Variants in NEK6 observed in about 807,000 individuals in gnomAD.
NEK6 encodes NIMA related kinase 6.
A neutral mutation model predicts 43.5 loss-of-function variants in NEK6; 27 were observed. That is an observed-to-expected ratio of 0.62 (90% CI 0.46 to 0.86). NEK6 has a LOEUF of 0.86. NEK6 is among the 40% of genes least tolerant of loss of function. NEK6 has a pLI of 0.00. For synonymous variants in NEK6, 167 were observed against 164.1 expected, an observed-to-expected ratio of 1.02 and a Z score of -0.14; for missense variants, 318 against 414.4, an observed-to-expected ratio of 0.77 and a Z score of 2.02.
At chr9:124,279,847 A>G (rs1024322452) in intron 1 of NEK6, among the ~76,000 whole-genome samples, 5 of 151,772 alleles carry the variant, frequency 3.3e-5, no homozygotes, top group Non-Finnish European at 5.9e-5. Context: ...GTCTGTGTCT[A>G]CCTCCCAACC....
chr9:124,345,832 TTGAAAA>T (rs1829896561), intron 8 of NEK6, among the ~76,000 whole-genome samples: 1 of 152,208 alleles, frequency 6.6e-6, no homozygotes, highest in Admixed American at 6.5e-5. Context: ...CAGATGTCCT[TTGAAAA>T]TGCCCGATTA....
intron 7 of NEK6, among the ~76,000 whole-genome samples, chr9:124,332,992 C>CG (rs1286941467): frequency 6.6e-6 from 1 of 152,076 alleles, no homozygotes; most frequent in African/African-American, 2.4e-5. Context: ...TCGGCATCGC[C>CG]GGGAGATGGG....
chr9:124,327,651 C>T (rs550597175), intron 7 of NEK6, among the ~76,000 whole-genome samples: 3 of 152,348 alleles, frequency 2.0e-5, no homozygotes, highest in African/African-American at 7.2e-5. Context: ...CTTCCCACAC[C>T]CCCTGATCAC....
chr9:124,321,464 G>C lies in NEK6; in HGVS notation c.300G>C (p.Leu100=). 6.2e-7 allele frequency: 1 copy of C among 1,611,054 alleles called. No individual in the cohort carries two copies. Among genetic ancestry groups the C allele is most frequent in the African/African-American group, 1.3e-5 (1 of 74,958 alleles). Residue 100 remains leucine, a synonymous_variant, in exon 5 of 10, where the codon CTG becomes CTC. Transcript: ENST00000320246. The part of the protein sequence containing the change: ...CVKEIGLLKQ[L]NHPNIIKYLD... ...CTCTTTCCCTCCTCATGCAGCAACT[G>C]AACCACCCAAATATCATCAAGTATT...
chr9:124,258,474 G>A (rs969974543), intron 1 of NEK6: 4 of 384,374 alleles, frequency 1.0e-5, no homozygotes, highest in Admixed American at 6.5e-5. Context: ...GTCTCAGGGA[G>A]TGTGTGTGTG....
chr9:124,330,766 T>C (rs1828940601), intron 7 of NEK6, among the ~76,000 whole-genome samples: 1 of 151,936 alleles, frequency 6.6e-6, no homozygotes, highest in Non-Finnish European at 1.5e-5. Context: ...GGTGGCATGG[T>C]GAGGGGACAG....
intron 1 of NEK6, chr9:124,258,503 A>C (rs1474235000): frequency 3.7e-6 from 1 of 267,600 alleles, no homozygotes; most frequent in Non-Finnish European, 5.8e-6. Flanking sequence ...TGCATTCCAA[A>C]GTGATTTGTG....
intron 1 of NEK6, among the ~76,000 whole-genome samples, chr9:124,296,688 C>T (rs1275364081): frequency 6.6e-6 from 1 of 152,198 alleles, no homozygotes; most frequent in Non-Finnish European, 1.5e-5. Flanking sequence ...AAGCTCATGC[C>T]CCCAAACCTG....
In NEK6 at chr9:124,326,266, G is replaced by A. The variant is rs998138945; in HGVS notation, c.406-64G>A. The A allele has an allele frequency of 1.9e-6, 2 of 1,056,788 alleles. No homozygotes were observed. The highest frequency in any genetic ancestry group is 3.3e-5 in the African/African-American group (2 of 60,088). 65.5% of individuals were successfully genotyped at this position (1,056,788 alleles called of 1,614,324 possible). A position where few individuals can be genotyped will look rare whatever the true frequency, so the allele number is the denominator to read the frequency against. ...GGGGAAAGGACAGAGGCAGTGCCCT[G>A]TGGCCACCCACCTCCAAGCCCGCTC... On this transcript the variant is annotated intron_variant, in intron 5 of 9. Transcript: ENST00000320246. The surrounding 1 kb of genome is among the most constrained non-coding windows in gnomAD (Gnocchi z 4.5).
At chr9:124,266,349 G>A (rs2118885668) in intron 1 of NEK6, among the ~76,000 whole-genome samples, 1 of 152,350 alleles carries the variant, frequency 6.6e-6, no homozygotes, top group Non-Finnish European at 1.5e-5. Context: ...CAGAGACCCA[G>A]AGAGTCCAGG....
chr9:124,307,865 G>A (rs1055203549), intron 2 of NEK6, among the ~76,000 whole-genome samples: 6 of 152,190 alleles, frequency 3.9e-5, no homozygotes, highest in East Asian at 1.9e-4. Flanking sequence ...GCCAGCCGCC[G>A]AGGGGTGGGA....
chr9:124,321,559 A>G lies in NEK6; in HGVS notation c.395A>G (p.Gln132Arg), dbSNP rs780356311. 7 of 1,610,442 alleles carry G rather than the reference A, an allele frequency of 4.3e-6. No individual in the cohort carries two copies. In the Admixed American group the frequency reaches 8.3e-5, roughly 19 times the overall value. The change falls in exon 5 of 10, where the codon CAG becomes CGG. Residue 132 changes from glutamine to arginine, a missense_variant. Around this residue, in one of 2 missense-constraint regions of NEK6, gnomAD observed 239 missense variants for 344.4 expected, o/e 0.69. Transcript: ENST00000320246. ...LELADAGDLS[Q>R]MIKYFKKQKR... The stretch of plus-strand genomic sequence containing the variant: ...TTGGCTGACGCAGGGGACCTCTCGC[A>G]GATGATCAAGGTGAGCGCCTGGCGG...
At position 124,258,039 on chromosome 9, in the gene NEK6, G is replaced by A; in HGVS notation, c.-76G>A. On this transcript the variant is annotated 5_prime_UTR_variant, in exon 1 of 10. Coordinates refer to ENST00000320246, the MANE Select transcript of NEK6 (RefSeq NM_014397.6). ...GACGCACCGCTCCAGCCGCCCGCGG[G>A]CCAGCGCACCGGTCCCCCAGCGGCA... The A allele has an allele frequency of 1.0e-6, 1 of 979,156 alleles. No individual in the cohort carries two copies. The highest frequency in any genetic ancestry group is 4.7e-5 in the South Asian group (1 of 21,268). The allele number at this position is 979,156 out of a possible 1,614,324, so 60.7% of individuals were successfully genotyped here.
intron 7 of NEK6, among the ~76,000 whole-genome samples, chr9:124,328,542 G>A (rs573220273): frequency 4.6e-4 from 70 of 152,258 alleles, no homozygotes; most frequent in African/African-American, 1.5e-3. Context: ...CTTGAACACC[G>A]CCCCATTCCA....
At chr9:124,288,189 C>T (rs768519370) in intron 1 of NEK6, among the ~76,000 whole-genome samples, 2 of 152,248 alleles carry the variant, frequency 1.3e-5, no homozygotes, top group African/African-American at 2.4e-5. Flanking sequence ...TCTGGAAATA[C>T]TTGTTGCAGG....
chr9:124,307,274 G>A (rs1282283106), intron 2 of NEK6, among the ~76,000 whole-genome samples: 2 of 152,106 alleles, frequency 1.3e-5, no homozygotes, highest in African/African-American at 4.8e-5. Context: ...CTTTCTGGGT[G>A]GGGGGTAGCT....
At chr9:124,295,588 G>A (rs893793436) in intron 1 of NEK6, among the ~76,000 whole-genome samples, 2 of 152,200 alleles carry the variant, frequency 1.3e-5, no homozygotes, top group Non-Finnish European at 2.9e-5. Flanking sequence ...CCTGGCACCC[G>A]TCACTCAACC....
chr9:124,274,288 C>T lies in NEK6; in HGVS notation c.-30+16203C>T, dbSNP rs149697055. Among the ~76,000 whole-genome samples, 549 of 152,322 alleles carry T rather than the reference C, an allele frequency of 3.6e-3. 10 individuals carry two copies. Among genetic ancestry groups the T allele is most frequent in the Admixed American group, 0.024 (372 of 15,304 alleles). On this transcript the variant is annotated intron_variant, in intron 1 of 9. Coordinates refer to ENST00000320246, the MANE Select transcript of NEK6 (RefSeq NM_014397.6). ...TGATGGCCCCAGTGGCAGATGTGAA[C>T]GGGGCTTGACACCTGTGTACCACAG...
At chr9:124,350,444 A>G (rs1002003784) in intron 9 of NEK6, among the ~76,000 whole-genome samples, 20 of 152,306 alleles carry the variant, frequency 1.3e-4, no homozygotes, top group African/African-American at 3.4e-4. Context: ...ATTATGATCA[A>G]TAAGCCCTTG....
Sources: allele counts gnomAD v4.1 joint callset (sites outside exome capture counted in the v4.1 genomes callset), GRCh38; gene constraint gnomAD v4.1.1; regional missense constraint gnomAD v4.1.1; non-coding constraint Gnocchi (gnomAD v3.1); transcripts MANE v1.5; gene names NCBI Gene and HGNC (gene_info 2026-07-23, HGNC 2026-07-21).